Variants in GPC5 observed in about 807,000 individuals in gnomAD.
GPC5 encodes glypican 5.
Under a neutral mutation model 53.9 loss-of-function variants are expected in GPC5, and 47 were observed. That is an observed-to-expected ratio of 0.87 (90% CI 0.69 to 1.11). The LOEUF (loss-of-function observed/expected upper bound fraction) is 1.11, where lower values mean the gene tolerates loss of function less well. Among genes scored for constraint, GPC5 ranks in the 50% most tolerant of loss-of-function variants. GPC5 has a pLI of 0.00. For missense variants in GPC5, 748 were observed against 713.1 expected, an observed-to-expected ratio of 1.05 and a Z score of -0.56; for synonymous variants, 286 against 263.3, an observed-to-expected ratio of 1.09 and a Z score of -0.84.
chr13:91,611,337 G>A (rs1428913915), intron 2 of GPC5, among the ~76,000 whole-genome samples: 1 of 152,110 alleles, frequency 6.6e-6, no homozygotes, highest in East Asian at 1.9e-4. Context: ...AATGTTCTTT[G>A]CCCAAGGTCA....
chr13:92,299,245 A>G (rs1474017673), intron 7 of GPC5, among the ~76,000 whole-genome samples: 1 of 152,224 alleles, frequency 6.6e-6, no homozygotes, highest in South Asian at 2.1e-4. Context: ...TTTTAAAGAC[A>G]TAGTTCAGAA....
chr13:91,810,907 T>C (rs1197167251), intron 5 of GPC5, among the ~76,000 whole-genome samples: 1 of 151,316 alleles, frequency 6.6e-6, no homozygotes, highest in African/African-American at 2.4e-5. Flanking sequence ...TTTGTTCCTT[T>C]TTATTTAGAA....
intron 1 of GPC5, 112 bp from the exon 2 acceptor site, chr13:91,448,649 C>A: frequency 9.6e-7 from 1 of 1,043,730 alleles, no homozygotes; most frequent in Non-Finnish European, 1.4e-6. Flanking sequence ...TCTAGCAAAT[C>A]CATTCCTCAC....
At chr13:92,803,536 A>C (rs1387788991) in intron 7 of GPC5, among the ~76,000 whole-genome samples, 1 of 151,940 alleles carries the variant, frequency 6.6e-6, no homozygotes, top group East Asian at 1.9e-4. Context: ...GAATTACTAT[A>C]GAAATCTCTT....
chr13:91,563,028 A>G (rs2031354510), intron 2 of GPC5, among the ~76,000 whole-genome samples: 2 of 152,172 alleles, frequency 1.3e-5, no homozygotes, highest in South Asian at 2.1e-4. Flanking sequence ...ATCATTTACT[A>G]TCCTGAATTA....
chr13:91,478,795 T>TTATA (rs757436599), intron 2 of GPC5, among the ~76,000 whole-genome samples: 698 of 55,322 alleles, frequency 0.013, 23 homozygotes, highest in Middle Eastern at 0.019. Context: ...CCATTTGAGT[T>TTATA]TATATATATA....
chr13:91,607,673 G>T (rs2033415883), intron 2 of GPC5, among the ~76,000 whole-genome samples: 2 of 152,200 alleles, frequency 1.3e-5, no homozygotes, highest in Admixed American at 1.3e-4. Flanking sequence ...CTTATTCCAA[G>T]ACGTTGTTCT....
At chr13:92,301,576 G>A (rs919555634) in intron 7 of GPC5, among the ~76,000 whole-genome samples, 4 of 152,034 alleles carry the variant, frequency 2.6e-5, no homozygotes, top group African/African-American at 4.8e-5. Context: ...CTGGGTTGTT[G>A]TAAAAATCAC....
At chr13:91,800,635 T>C (rs1371108276) in intron 5 of GPC5, among the ~76,000 whole-genome samples, 1 of 152,162 alleles carries the variant, frequency 6.6e-6, no homozygotes, top group Non-Finnish European at 1.5e-5. Context: ...TAATCTCTTT[T>C]GTTAATAGAG....
intron 5 of GPC5, among the ~76,000 whole-genome samples, chr13:91,825,557 C>T (rs1384656454): frequency 6.6e-6 from 1 of 151,882 alleles, no homozygotes; most frequent in African/African-American, 2.4e-5. Context: ...AATTATAAAC[C>T]CTGGGGAAAA....
At chr13:91,966,400 T>G (rs2040181118) in intron 6 of GPC5, among the ~76,000 whole-genome samples, 1 of 152,180 alleles carries the variant, frequency 6.6e-6, no homozygotes, top group African/African-American at 2.4e-5. Flanking sequence ...GGAGGTATTT[T>G]GTTGTATTTC....
intron 7 of GPC5, among the ~76,000 whole-genome samples, chr13:92,565,298 C>T (rs560352641): frequency 1.1e-4 from 16 of 152,218 alleles, no homozygotes; most frequent in Admixed American, 4.6e-4. Context: ...AGTGATTATA[C>T]TGCTCCAGGC....
chr13:91,593,415 T>C (rs575785561), intron 2 of GPC5, among the ~76,000 whole-genome samples: 1 of 152,314 alleles, frequency 6.6e-6, no homozygotes, highest in Non-Finnish European at 1.5e-5. Context: ...ATTTAGAAAA[T>C]ATTTTTTACA....
At chr13:91,499,958 T>C (rs1323678181) in intron 2 of GPC5, among the ~76,000 whole-genome samples, 1 of 152,236 alleles carries the variant, frequency 6.6e-6, no homozygotes, top group Non-Finnish European at 1.5e-5. Context: ...TAATTGGTCT[T>C]GTATTCTGGA....
chr13:92,638,333 A>G (rs1386838885), intron 7 of GPC5, among the ~76,000 whole-genome samples: 1 of 152,170 alleles, frequency 6.6e-6, no homozygotes, highest in Non-Finnish European at 1.5e-5. Context: ...AGAGGTAAAG[A>G]AAAGGAAACC....
At chr13:92,503,681 G>A (rs1880267068) in intron 7 of GPC5, among the ~76,000 whole-genome samples, 1 of 151,724 alleles carries the variant, frequency 6.6e-6, no homozygotes, top group Admixed American at 6.6e-5. Context: ...AAAAATTATA[G>A]ATAGACTATC....
chr13:92,126,487 C>A (rs557147431), intron 6 of GPC5, among the ~76,000 whole-genome samples: 13 of 152,226 alleles, frequency 8.5e-5, no homozygotes, highest in African/African-American at 2.9e-4. Flanking sequence ...GTGGGAAAAT[C>A]TGCAATCAGT....
chr13:92,831,603 T>C (rs1290988026), intron 7 of GPC5, among the ~76,000 whole-genome samples: 1 of 152,176 alleles, frequency 6.6e-6, no homozygotes. Flanking sequence ...TAGTCTTGAC[T>C]CTTTGAGTTG....
chr13:91,607,527 C>T (rs2033410941), intron 2 of GPC5, among the ~76,000 whole-genome samples: 1 of 152,052 alleles, frequency 6.6e-6, no homozygotes, highest in South Asian at 2.1e-4. Flanking sequence ...ATGATAACAC[C>T]AGTTCACAGA....
Sources: gnomAD v4.1 joint callset for allele counts (sites outside exome capture counted in the v4.1 genomes callset) on GRCh38, gnomAD v4.1.1 for gene constraint, MANE v1.5 for transcripts, NCBI Gene and HGNC (gene_info 2026-07-23, HGNC 2026-07-21) for gene names.